Variants in PHACTR3 observed in about 807,000 individuals in gnomAD.
The protein encoded by PHACTR3 is protein phosphatase 1, regulatory subunit 123.
A neutral mutation model predicts 66.8 loss-of-function variants in PHACTR3; 16 were observed. The observed-to-expected ratio is 0.24, with a 90% CI of 0.16 to 0.36. The LOEUF is 0.36. Ranked by LOEUF, PHACTR3 falls within the 10% of genes least tolerant of loss-of-function variation. The pLI is 1.00. For missense variants in PHACTR3, 647 were observed against 719.9 expected (o/e 0.90, Z 1.16); for synonymous variants, 323 against 292.1 (o/e 1.11, Z -1.08).
chr20:59,714,845 T>A (rs2146657491), intron 1 of PHACTR3, among the ~76,000 whole-genome samples: 1 of 152,208 alleles, frequency 6.6e-6, no homozygotes, highest in East Asian at 1.9e-4. Context: ...TAGGCTATTT[T>A]TCTTTTTTCT....
chr20:59,785,118 G>A (rs917119339), intron 7 of PHACTR3, among the ~76,000 whole-genome samples: 2 of 152,188 alleles, frequency 1.3e-5, no homozygotes, highest in South Asian at 2.1e-4. Flanking sequence ...TCCAGCTGCC[G>A]TAACAGGATA....
At chr20:59,730,757 G>A (rs991034902) in intron 1 of PHACTR3, among the ~76,000 whole-genome samples, 2 of 152,112 alleles carry the variant, frequency 1.3e-5, no homozygotes, top group Non-Finnish European at 2.9e-5. Flanking sequence ...CTTTCTACTA[G>A]TTTTTGCAAA....
intron 3 of PHACTR3, 34 bp downstream of exon 3, chr20:59,747,869 C>A (rs201970954): frequency 6.6e-5 from 106 of 1,601,510 alleles, no homozygotes; most frequent in South Asian, 3.1e-4. Flanking sequence ...TGGAAGGGCA[C>A]GGTGCTGGGA....
chr20:59,816,082 A>C (rs1322558118), intron 8 of PHACTR3, among the ~76,000 whole-genome samples: 1 of 152,010 alleles, frequency 6.6e-6, no homozygotes, highest in Non-Finnish European at 1.5e-5. Context: ...GTAATATAGA[A>C]TCAGTGGGAG....
chr20:59,790,692 G>A lies in PHACTR3; in HGVS notation c.1175-15349G>A, dbSNP rs142449786. ...GAAACAGCATATTGCAAAGTAGTGT[G>A]TATGGTATGATCCTACTTTTGTAAG... On this transcript the variant is annotated intron_variant, in intron 7 of 12. Coordinates refer to ENST00000371015, the MANE Select transcript of PHACTR3 (RefSeq NM_080672.5). Among the ~76,000 whole-genome samples the A allele has an allele frequency of 1.8e-4, 27 of 152,340 alleles. No individual in the cohort carries two copies. The East Asian group carries it at 4.8e-3, about 27-fold the overall frequency.
At chr20:59,836,224 G>A (rs2296764) in intron 8 of PHACTR3, 354,286 of 390,986 alleles carry the variant, frequency 0.91, 162,969 homozygotes, top group East Asian at 0.95. Context: ...GACCAGGCAA[G>A]GTTTGGGCGA....
intron 12 of PHACTR3, among the ~76,000 whole-genome samples, chr20:59,846,579 T>C (rs1049407305): frequency 4.0e-5 from 6 of 150,948 alleles, no homozygotes; most frequent in Admixed American, 2.0e-4. Context: ...TTTCCGATTA[T>C]ACATTATTAA....
chr20:59,749,398 C>A (rs6123931), intron 3 of PHACTR3, among the ~76,000 whole-genome samples: 2 of 152,306 alleles, frequency 1.3e-5, no homozygotes, highest in East Asian at 3.9e-4. Context: ...GGGAAAACTT[C>A]TAGGAGCGTT....
chr20:59,693,233 A>C (rs982655574), intron 1 of PHACTR3, among the ~76,000 whole-genome samples: 6 of 152,160 alleles, frequency 3.9e-5, no homozygotes, highest in African/African-American at 1.4e-4. Flanking sequence ...CTCATCCTCC[A>C]AGATCCTGTG....
chr20:59,739,395 T>C (rs2039070831), intron 1 of PHACTR3, among the ~76,000 whole-genome samples: 1 of 152,176 alleles, frequency 6.6e-6, no homozygotes. Flanking sequence ...AAAAAAGAAC[T>C]GCCCAAGACT....
chr20:59,673,921 G>A (rs983999876), intron 1 of PHACTR3, among the ~76,000 whole-genome samples: 2 of 152,188 alleles, frequency 1.3e-5, no homozygotes, highest in East Asian at 3.9e-4. Context: ...CAGGAAGGCC[G>A]GATCAAGCTG....
At chr20:59,624,805 G>C (rs2146374968) in intron 1 of PHACTR3, among the ~76,000 whole-genome samples, 1 of 152,346 alleles carries the variant, frequency 6.6e-6, no homozygotes, top group South Asian at 2.1e-4. Context: ...TGTGAAGCTA[G>C]TACAAAGACT....
intron 8 of PHACTR3, among the ~76,000 whole-genome samples, chr20:59,824,903 G>A (rs749413801): frequency 2.6e-5 from 4 of 152,184 alleles, no homozygotes; most frequent in Non-Finnish European, 5.9e-5. Flanking sequence ...CACACTCCAT[G>A]TGGTTGTTAT....
At chr20:59,607,084 G>A (rs2033696531) in intron 1 of PHACTR3, among the ~76,000 whole-genome samples, 2 of 152,198 alleles carry the variant, frequency 1.3e-5, no homozygotes, top group Admixed American at 1.3e-4. Context: ...AGTATTTTCT[G>A]TAAGCACCTT....
rs563713302 is a variant in PHACTR3, at chr20:59,708,093, A to T, written c.119-35014A>T. Reference sequence around the variant, plus strand: ...CAGTCATGGTGGCCAGTGAAATGTGATGCTCTGATTTGATTGGCCAGGCCT... The same window carrying T: ...CAGTCATGGTGGCCAGTGAAATGTGTTGCTCTGATTTGATTGGCCAGGCCT... On this transcript the variant is annotated intron_variant, in intron 1 of 12. Transcript: ENST00000371015. Among the ~76,000 whole-genome samples the T allele has an allele frequency of 7.9e-5, 12 of 152,314 alleles. No individual in the cohort carries two copies. The South Asian group carries it at 2.5e-3, about 32-fold the overall frequency.
chr20:59,838,148 T>C (rs1240700650), intron 9 of PHACTR3, among the ~76,000 whole-genome samples: 1 of 152,156 alleles, frequency 6.6e-6, no homozygotes, highest in African/African-American at 2.4e-5. Context: ...TGTCCTTAGC[T>C]CGGAAGCCCT....
chr20:59,702,538 A>G (rs1253042128), intron 1 of PHACTR3, among the ~76,000 whole-genome samples: 2 of 152,124 alleles, frequency 1.3e-5, no homozygotes, highest in Non-Finnish European at 2.9e-5. Flanking sequence ...GATTTCCTTT[A>G]CTGCACTTTT....
At chr20:59,716,822 A>G (rs1469075545) in intron 1 of PHACTR3, among the ~76,000 whole-genome samples, 1 of 152,234 alleles carries the variant, frequency 6.6e-6, no homozygotes, top group Non-Finnish European at 1.5e-5. Flanking sequence ...ATGCAAAACC[A>G]GGCACACAGT....
intron 1 of PHACTR3, among the ~76,000 whole-genome samples, chr20:59,723,072 T>G (rs551317605): frequency 4.0e-5 from 5 of 124,264 alleles, no homozygotes; most frequent in African/African-American, 1.8e-4. Context: ...CTTTCTTTCT[T>G]TCTTTCTTTC....
Sources: allele counts gnomAD v4.1 joint callset (sites outside exome capture counted in the v4.1 genomes callset), GRCh38; gene constraint gnomAD v4.1.1; transcripts MANE v1.5; gene names NCBI Gene and HGNC (gene_info 2026-07-23, HGNC 2026-07-21).